The following POFUT3 variants were observed in gnomAD, a reference collection of about 807,000 sequenced individuals.
POFUT3 encodes GDP-fucose protein O-fucosyltransferase 3.
the POFUT3 span, among the ~76,000 whole-genome samples, chr8:33,318,563 A>G: frequency 1.1e-5 from 1 of 94,026 alleles, no homozygotes; most frequent in Non-Finnish European, 1.9e-5. Flanking sequence ...AAATATATAT[A>G]TAATATATAA....
At chr8:33,438,743 T>A in the POFUT3 span, among the ~76,000 whole-genome samples, 2 of 152,056 alleles carry the variant, frequency 1.3e-5, no homozygotes, top group African/African-American at 4.8e-5. Context: ...TCTTATATGG[T>A]GGCAGGCAAG....
the POFUT3 span, among the ~76,000 whole-genome samples, chr8:33,442,527 G>A: frequency 1.4e-4 from 21 of 151,706 alleles, no homozygotes; most frequent in African/African-American, 3.9e-4. Flanking sequence ...CTTGTGATCC[G>A]CCCACCTCAG....
chr8:33,360,470 TA>T, the POFUT3 span, among the ~76,000 whole-genome samples: 1 of 105,938 alleles, frequency 9.4e-6, no homozygotes, highest in Non-Finnish European at 1.8e-5. Context: ...AAAATAAAAA[TA>T]AAATAAATAA....
the POFUT3 span, among the ~76,000 whole-genome samples, chr8:33,401,038 T>C: frequency 6.6e-6 from 1 of 152,180 alleles, no homozygotes; most frequent in Non-Finnish European, 1.5e-5. Flanking sequence ...TGGAGTACAG[T>C]GGCATGATCT....
At chr8:33,391,546 A>G in the POFUT3 span, among the ~76,000 whole-genome samples, 1 of 152,228 alleles carries the variant, frequency 6.6e-6, no homozygotes, top group African/African-American at 2.4e-5. Flanking sequence ...AGAATGTGAG[A>G]AGAAAGGCAA....
At chr8:33,426,266 T>G in the POFUT3 span, among the ~76,000 whole-genome samples, 1 of 152,176 alleles carries the variant, frequency 6.6e-6, no homozygotes, top group Non-Finnish European at 1.5e-5. Context: ...TATGAAGTAT[T>G]ACCTATCTCT....
chr8:33,388,934 G>A, the POFUT3 span: 2 of 1,569,962 alleles, frequency 1.3e-6, no homozygotes, highest in Non-Finnish European at 8.8e-7. Context: ...CCAGCCTGCT[G>A]GCTCTATGCC....
At chr8:33,386,597 T>C in the POFUT3 span, among the ~76,000 whole-genome samples, 3 of 152,038 alleles carry the variant, frequency 2.0e-5, no homozygotes, top group Non-Finnish European at 4.4e-5. Context: ...GATCACGAGG[T>C]TGGGAGATCA....
At chr8:33,395,140 G>T in the POFUT3 span, among the ~76,000 whole-genome samples, 8 of 152,160 alleles carry the variant, frequency 5.3e-5, no homozygotes, top group African/African-American at 1.9e-4. Context: ...CAGGAGGCAG[G>T]GAAATACTGG....
At chr8:33,405,288 G>A in the POFUT3 span, among the ~76,000 whole-genome samples, 48,827 of 151,246 alleles carry the variant, frequency 0.32, 8,025 homozygotes, top group South Asian at 0.44. Flanking sequence ...GCAAGACTCC[G>A]TCTCAAAAAA....
the POFUT3 span, among the ~76,000 whole-genome samples, chr8:33,359,803 T>C: frequency 0.35 from 53,775 of 151,570 alleles, 12,123 homozygotes; most frequent in African/African-American, 0.61. Flanking sequence ...GTCAGGAGTT[T>C]GAGACCAGCC....
the POFUT3 span, among the ~76,000 whole-genome samples, chr8:33,313,877 C>T: frequency 2.0e-5 from 3 of 152,014 alleles, no homozygotes; most frequent in Non-Finnish European, 4.4e-5. Flanking sequence ...ATATTTATGG[C>T]TCCCAACTCT....
chr8:33,411,819 T>C, the POFUT3 span, among the ~76,000 whole-genome samples: 6 of 152,096 alleles, frequency 3.9e-5, no homozygotes, highest in African/African-American at 1.4e-4. Context: ...ATAATAATGA[T>C]AATCTGCCAA....
At chr8:33,395,228 C>T in the POFUT3 span, among the ~76,000 whole-genome samples, 1 of 152,152 alleles carries the variant, frequency 6.6e-6, no homozygotes, top group African/African-American at 2.4e-5. Flanking sequence ...AATTTACATC[C>T]CCACTTTCCT....
chr8:33,400,171 G>T, the POFUT3 span, among the ~76,000 whole-genome samples: 1 of 149,578 alleles, frequency 6.7e-6, no homozygotes, highest in East Asian at 2.0e-4. Context: ...GTGGGGAGGG[G>T]CCAGGCGTGG....
chr8:33,349,565 A>C, the POFUT3 span, among the ~76,000 whole-genome samples: 9 of 152,284 alleles, frequency 5.9e-5, no homozygotes, highest in Non-Finnish European at 5.9e-5. Context: ...TACTTCACTT[A>C]GGATAATGGT....
chr8:33,362,594 C>CA, the POFUT3 span, among the ~76,000 whole-genome samples: 10,536 of 133,332 alleles, frequency 0.079, 998 homozygotes, highest in African/African-American at 0.24. Flanking sequence ...AAATGGAAAG[C>CA]AAAAAAAAAA....
chr8:33,359,962 C>T, the POFUT3 span, among the ~76,000 whole-genome samples: 20 of 151,548 alleles, frequency 1.3e-4, no homozygotes, highest in East Asian at 2.8e-3. Flanking sequence ...GCTGAGATCA[C>T]GCCACTGGAC....
the POFUT3 span, among the ~76,000 whole-genome samples, chr8:33,348,876 G>A: frequency 8.5e-5 from 13 of 152,170 alleles, no homozygotes; most frequent in African/African-American, 2.7e-4. Flanking sequence ...ATATCAGAAA[G>A]TATTTATCCT....
Sources: gnomAD v4.1 joint callset for allele counts (sites outside exome capture counted in the v4.1 genomes callset) on GRCh38, gnomAD v4.1.1 for gene constraint, MANE v1.5 for transcripts, NCBI Gene and HGNC (gene_info 2026-07-23, HGNC 2026-07-21) for gene names.